RAC1: variants seen among roughly 807,000 people sequenced by gnomAD.
RAC1 encodes the protein ras-related C3 botulinum toxin substrate 1.
RAC1 carries 2 observed loss-of-function variants against 25.2 expected under a neutral mutation model. That is an observed-to-expected ratio of 0.08 (90% confidence interval 0.03 to 0.25). The LOEUF (loss-of-function observed/expected upper bound fraction) is 0.25, where lower values mean the gene tolerates loss of function less well. Ranked by LOEUF, RAC1 falls within the 10% of genes least tolerant of loss-of-function variation. The probability of loss-of-function intolerance (pLI) is 1.00; values close to 1 mark genes in which losing one functional copy is unlikely to be tolerated. For synonymous variants in RAC1, 88 were observed against 94.0 expected (o/e 0.94, Z 0.37); for missense variants, 50 against 235.7 (o/e 0.21, Z 5.16).
intron 1 of RAC1, among the ~76,000 whole-genome samples, chr7:6,386,967 G>C (rs951464540): frequency 1.3e-5 from 2 of 151,444 alleles, no homozygotes; most frequent in Admixed American, 1.3e-4. Context: ...GCTAACACCG[G>C]GTACCTAAAC....
Position 6,387,300 on chromosome 7 carries a change from G to C in RAC1, c.107+17G>C. The C allele has an allele frequency of 6.7e-7, 1 of 1,501,150 alleles. No homozygotes were observed. Among genetic ancestry groups the C allele is most frequent in the Middle Eastern group, 1.7e-4 (1 of 5,832 alleles). 93.0% of individuals were successfully genotyped at this position (1,501,150 alleles called of 1,614,324 possible). A position where few individuals can be genotyped will look rare whatever the true frequency, so the allele number is the denominator to read the frequency against. The stretch of plus-strand genomic sequence containing the variant: ...CCCTACTGTGTAAGTATCTTAAATT[G>C]GGAATTAACCTGTTTGTGTTACGGG... On this transcript the variant is annotated intron_variant, in intron 2 of 5. Coordinates refer to ENST00000348035, the MANE Select transcript of RAC1 (RefSeq NM_006908.5).
intron 3 of RAC1, among the ~76,000 whole-genome samples, chr7:6,394,129 G>C (rs911920227): frequency 6.6e-6 from 1 of 152,152 alleles, no homozygotes; most frequent in East Asian, 1.9e-4. Context: ...TGAAGGACCA[G>C]TTGGAAGATT....
chr7:6,375,425 T>C (rs35567742), intron 1 of RAC1, among the ~76,000 whole-genome samples: 1 of 152,174 alleles, frequency 6.6e-6, no homozygotes, highest in African/African-American at 2.4e-5. Flanking sequence ...GGGGTCTCAC[T>C]GTGTTGTCCA....
In RAC1 at chr7:6,396,967, C is replaced by T. The variant is rs536677960; in HGVS notation, c.226-3159C>T. On this transcript the variant is annotated intron_variant, in intron 3 of 5. Transcript: ENST00000348035. ...AATGGTGTGAACCTGGGAGGCGGAG[C>T]TTGCAGTGAGCCAAGATCGTGCCAC... is the stretch of plus-strand genomic sequence containing the variant. Among the ~76,000 whole-genome samples, 4 of 149,634 alleles carry T rather than the reference C, an allele frequency of 2.7e-5. No individual in the cohort carries two copies. In the East Asian group the frequency reaches 6.0e-4, roughly 23 times the overall value.
At chr7:6,401,652 A>G in intron 4 of RAC1, 1 of 418,164 alleles carries the variant, frequency 2.4e-6, no homozygotes, top group East Asian at 4.1e-5. Context: ...GGTTCTGTCC[A>G]GCCATGATCC....
intron 3 of RAC1, among the ~76,000 whole-genome samples, chr7:6,392,461 C>T (rs1460363169): frequency 3.9e-5 from 6 of 152,044 alleles, no homozygotes; most frequent in Non-Finnish European, 7.4e-5. Context: ...ACATTTTTTC[C>T]CACAAAATAC....
intron 2 of RAC1, among the ~76,000 whole-genome samples, chr7:6,387,516 G>A (rs1782956624): frequency 6.6e-6 from 1 of 152,080 alleles, no homozygotes; most frequent in South Asian, 2.1e-4. Flanking sequence ...TGAGGGTCAG[G>A]AGTTCGAGAC....
intron 1 of RAC1, among the ~76,000 whole-genome samples, chr7:6,376,462 G>A (rs1332419926): frequency 6.7e-6 from 1 of 149,636 alleles, no homozygotes; most frequent in Non-Finnish European, 1.5e-5. Context: ...GGGATTACAG[G>A]CGTAAGCCAC....
Position 6,381,911 on chromosome 7 carries a change from C to T in RAC1, c.36-5301C>T, listed in dbSNP as rs529918812. 2.6e-5 allele frequency among the ~76,000 whole-genome samples: 4 copies of T among 152,082 alleles called. No homozygotes were observed. In the South Asian group the frequency reaches 6.2e-4, roughly 24 times the overall value. ...TCAGTGTAAATCGAGGACCTTCATG[C>T]GAGGTCTTTAATTTATTCAATAAGT... On this transcript the variant is annotated intron_variant, in intron 1 of 5. Coordinates refer to ENST00000348035, the MANE Select transcript of RAC1 (RefSeq NM_006908.5).
intron 1 of RAC1, among the ~76,000 whole-genome samples, chr7:6,384,382 G>A (rs753948016): frequency 2.0e-5 from 3 of 152,160 alleles, no homozygotes; most frequent in Non-Finnish European, 2.9e-5. Context: ...AAAATCCAGT[G>A]CTTTCTGGGC....
At chr7:6,389,063 G>A (rs1458676607) in intron 2 of RAC1, among the ~76,000 whole-genome samples, 1 of 152,058 alleles carries the variant, frequency 6.6e-6, no homozygotes, top group African/African-American at 2.4e-5. Flanking sequence ...TTAGCCGGGT[G>A]TGGTGGTGCA....
At chr7:6,383,050 T>G (rs1677749384) in intron 1 of RAC1, among the ~76,000 whole-genome samples, 1 of 152,240 alleles carries the variant, frequency 6.6e-6, no homozygotes, top group Admixed American at 6.5e-5. Flanking sequence ...TCCAGCCGAC[T>G]CATGTTCGTT....
At chr7:6,379,797 G>A (rs1009096213) in intron 1 of RAC1, among the ~76,000 whole-genome samples, 1 of 151,872 alleles carries the variant, frequency 6.6e-6, no homozygotes, top group Non-Finnish European at 1.5e-5. Flanking sequence ...CACCCAGGCC[G>A]GGGTGCAGTG....
At chr7:6,379,569 C>A (rs1182757337) in intron 1 of RAC1, among the ~76,000 whole-genome samples, 1 of 152,058 alleles carries the variant, frequency 6.6e-6, no homozygotes, top group African/African-American at 2.4e-5. Flanking sequence ...GCCACTACGC[C>A]TGGCAATTTT....
rs142651604 is a variant in RAC1 at position 6,380,514 on chromosome 7, A to G, written c.35+5744A>G. On this transcript the variant is annotated intron_variant, in intron 1 of 5. Transcript: ENST00000348035. ...CCTTTATAACTTTCTGTCTTTTTGCATTAGTCATCTGATACCTTAGTACTG... is the reference window on the plus strand; with the variant it reads ...CCTTTATAACTTTCTGTCTTTTTGCGTTAGTCATCTGATACCTTAGTACTG... 8.9e-3 allele frequency among the ~76,000 whole-genome samples: 1,349 copies of G among 152,298 alleles called. 22 individuals are homozygous for G. Among genetic ancestry groups the G allele is most frequent in the African/African-American group, 0.031 (1,294 of 41,562 alleles).
At chr7:6,380,759 A>T (rs142040945) in intron 1 of RAC1, among the ~76,000 whole-genome samples, 7 of 152,224 alleles carry the variant, frequency 4.6e-5, no homozygotes, top group African/African-American at 1.7e-4. Flanking sequence ...CTATGACAGT[A>T]TTTTGCTCTA....
chr7:6,393,614 T>C (rs542839134), intron 3 of RAC1, among the ~76,000 whole-genome samples: 2 of 152,306 alleles, frequency 1.3e-5, no homozygotes, highest in South Asian at 2.1e-4. Flanking sequence ...AAGTAGGTGT[T>C]GTCCTCATAG....
intron 1 of RAC1, among the ~76,000 whole-genome samples, chr7:6,384,230 G>A (rs1562463251): frequency 6.6e-6 from 1 of 152,104 alleles, no homozygotes. Flanking sequence ...GCCCACTTAT[G>A]TTCACTGTCC....
At chr7:6,392,123 C>T (rs1202387106) in intron 3 of RAC1, 82 bp downstream of exon 3, 29 of 1,592,518 alleles carry the variant, frequency 1.8e-5, no homozygotes, top group Non-Finnish European at 2.3e-5. Flanking sequence ...TACCTATGGA[C>T]TTGCTTATAT....
Sources: allele counts gnomAD v4.1 joint callset (sites outside exome capture counted in the v4.1 genomes callset), GRCh38; gene constraint gnomAD v4.1.1; transcripts MANE v1.5; gene names NCBI Gene and HGNC (gene_info 2026-07-23, HGNC 2026-07-21).